Variants in EYA1 observed in about 807,000 individuals in gnomAD.
EYA1 encodes EYA transcriptional coactivator and phosphatase 1.
EYA1 carries 16 observed loss-of-function variants against 82.0 expected under a neutral mutation model. That is an observed-to-expected ratio of 0.20 (90% CI 0.13 to 0.30). The LOEUF (loss-of-function observed/expected upper bound fraction) is 0.30. Among genes scored for constraint, EYA1 ranks in the 10% least tolerant of loss-of-function variants. The pLI is 1.00. For missense variants in EYA1, 633 were observed against 730.7 expected (o/e 0.87, Z 1.54); for synonymous variants, 261 against 264.4 (o/e 0.99, Z 0.12).
intron 11 of EYA1, among the ~76,000 whole-genome samples, chr8:71,262,079 G>C (rs1244603280): frequency 6.6e-6 from 1 of 152,152 alleles, no homozygotes; most frequent in Non-Finnish European, 1.5e-5. Context: ...CTAAGCCTGG[G>C]TCAATTACAA....
chr8:71,455,558 C>T lies in EYA1; in HGVS notation c.33+80186G>A, dbSNP rs1210133302. 3.9e-5 allele frequency among the ~76,000 whole-genome samples: 6 copies of T among 152,166 alleles called. 1 individual carries two copies. The highest frequency in any genetic ancestry group is 5.9e-5 in the Non-Finnish European group (4 of 68,024). On this transcript the variant is annotated intron_variant, in intron 2 of 18. Coordinates refer to the EYA1 transcript ENST00000643681. ...AGCAGCACATCAAAAGGCTTATCCACGATGATCAAGTGGGCTTCATCCCTG... is the reference window on the plus strand; with the variant it reads ...AGCAGCACATCAAAAGGCTTATCCATGATGATCAAGTGGGCTTCATCCCTG...
upstream of EYA1, among the ~76,000 whole-genome samples, chr8:71,362,643 A>T (rs540750867): frequency 1.4e-4 from 21 of 152,354 alleles, no homozygotes; most frequent in South Asian, 4.3e-3. Context: ...TGAAGGATGA[A>T]TCCGAAATGA....
At chr8:71,395,097 G>C (rs542653144) in intron 2 of EYA1, among the ~76,000 whole-genome samples, 37 of 152,210 alleles carry the variant, frequency 2.4e-4, no homozygotes, top group African/African-American at 8.7e-4. Context: ...TCTGTTGTCT[G>C]TTATTGGTGT....
At chr8:71,311,439 A>T (rs1821325699) in intron 7 of EYA1, among the ~76,000 whole-genome samples, 1 of 152,194 alleles carries the variant, frequency 6.6e-6, no homozygotes, top group African/African-American at 2.4e-5. Flanking sequence ...TTGATTGGTA[A>T]GCAGCAGTAA....
chr8:71,440,383 A>C (rs1222977840), intron 2 of EYA1, among the ~76,000 whole-genome samples: 1 of 152,200 alleles, frequency 6.6e-6, no homozygotes, highest in African/African-American at 2.4e-5. Context: ...TTTGAACGAC[A>C]TGGGCAGGGC....
chr8:71,209,274 T>G (rs1486285198), intron 17 of EYA1, among the ~76,000 whole-genome samples: 1 of 152,224 alleles, frequency 6.6e-6, no homozygotes, highest in Non-Finnish European at 1.5e-5. Context: ...GATTCTGACT[T>G]AGGCTGGGAA....
At chr8:71,394,791 A>G (rs955708301) in intron 2 of EYA1, among the ~76,000 whole-genome samples, 1 of 152,122 alleles carries the variant, frequency 6.6e-6, no homozygotes. Context: ...TTTTGGATCC[A>G]TATGAACTTT....
chr8:71,286,350 T>C (rs1217346241), intron 9 of EYA1, among the ~76,000 whole-genome samples: 3 of 152,230 alleles, frequency 2.0e-5, no homozygotes, highest in South Asian at 2.1e-4. Flanking sequence ...CTAAGGCTGA[T>C]TACTGCTGAC....
At chr8:71,330,796 C>T (rs1823748838) in intron 4 of EYA1, among the ~76,000 whole-genome samples, 1 of 152,064 alleles carries the variant, frequency 6.6e-6, no homozygotes, top group Non-Finnish European at 1.5e-5. Flanking sequence ...CAAAAACTTC[C>T]CAGATAGCCT....
At chr8:71,518,061 T>C (rs1162751651) in intron 2 of EYA1, among the ~76,000 whole-genome samples, 1 of 152,048 alleles carries the variant, frequency 6.6e-6, no homozygotes, top group Non-Finnish European at 1.5e-5. Context: ...AAAAATATTT[T>C]TTTTCAAAAG....
chr8:71,469,219 A>G (rs916804332), intron 2 of EYA1, among the ~76,000 whole-genome samples: 3 of 152,160 alleles, frequency 2.0e-5, no homozygotes, highest in Non-Finnish European at 4.4e-5. Context: ...AAGAAGAACT[A>G]TAAACAAATA....
At chr8:71,290,013 G>A (rs182419095) in intron 9 of EYA1, among the ~76,000 whole-genome samples, 82 of 152,248 alleles carry the variant, frequency 5.4e-4, no homozygotes, top group Non-Finnish European at 1.0e-3. Flanking sequence ...CCAAGGTGCC[G>A]AGTATAGAAC....
At chr8:71,338,251 T>A (rs1824725791) in intron 3 of EYA1, among the ~76,000 whole-genome samples, 1 of 152,196 alleles carries the variant, frequency 6.6e-6, no homozygotes, top group South Asian at 2.1e-4. Flanking sequence ...TGGAAATAAC[T>A]CAAGAAGGCA....
intron 2 of EYA1, among the ~76,000 whole-genome samples, chr8:71,371,669 G>T (rs1282625492): frequency 6.6e-6 from 1 of 152,096 alleles, no homozygotes; most frequent in African/African-American, 2.4e-5. Flanking sequence ...AAAGCAACTT[G>T]CAGGAAACAG....
chr8:71,535,645 C>G (rs1238495644), intron 2 of EYA1: 3 of 871,664 alleles, frequency 3.4e-6, no homozygotes, highest in African/African-American at 1.7e-5. Flanking sequence ...TGGTACAGAG[C>G]TTTTGACAAT....
intron 3 of EYA1, among the ~76,000 whole-genome samples, chr8:71,338,799 C>T (rs557866772): frequency 1.8e-4 from 28 of 152,334 alleles, no homozygotes; most frequent in African/African-American, 5.3e-4. Context: ...CGCTGCAACG[C>T]GCAGGGAAGG....
intron 7 of EYA1, among the ~76,000 whole-genome samples, chr8:71,315,136 T>C (rs1362573371): frequency 2.0e-5 from 3 of 152,104 alleles, no homozygotes; most frequent in Non-Finnish European, 4.4e-5. Flanking sequence ...ATTGGTTTTT[T>C]CCTCCAATCC....
chr8:71,360,941 A>T (rs1451253940), intron 1 of EYA1, among the ~76,000 whole-genome samples: 2 of 152,238 alleles, frequency 1.3e-5, no homozygotes, highest in Non-Finnish European at 2.9e-5. Flanking sequence ...TCATATACTG[A>T]TTTTGAATGG....
At chr8:71,267,251 A>AT (rs1254940244) in intron 11 of EYA1, among the ~76,000 whole-genome samples, 7 of 152,088 alleles carry the variant, frequency 4.6e-5, no homozygotes, top group Admixed American at 4.6e-4. Flanking sequence ...TTGACTCTCC[A>AT]TCTCCATCAC....
Sources: gnomAD v4.1 joint callset for allele counts (sites outside exome capture counted in the v4.1 genomes callset) on GRCh38, gnomAD v4.1.1 for gene constraint, MANE v1.5 for transcripts, NCBI Gene and HGNC (gene_info 2026-07-23, HGNC 2026-07-21) for gene names.